The following C8G variants were observed in gnomAD, a reference collection of about 807,000 sequenced individuals.
The protein encoded by C8G is complement component C8 gamma chain.
A neutral mutation model predicts 29.1 loss-of-function variants in C8G; 38 were observed. The observed-to-expected ratio is 1.31, with a 90% confidence interval of 1.01 to 1.71. The LOEUF is 1.71. Among genes scored for constraint, C8G ranks in the 40% most tolerant of loss-of-function variants. The pLI is 0.00. For synonymous variants in C8G, 158 were observed against 113.2 expected (o/e 1.40, Z -2.51); for missense variants, 300 against 267.4 (o/e 1.12, Z -0.85).
chr9:136,945,626 G>T lies in C8G; in HGVS notation c.139-8G>T. ...GTGCCCTCGAGTTCTCCCATGGTCT[G>T]CCCCCAGTTTGCAGGGACCTGGCTC... On this transcript the variant is annotated splice_region_variant and splice_polypyrimidine_tract_variant and intron_variant, in intron 1 of 6. Coordinates refer to ENST00000371634, the MANE Select transcript of C8G (RefSeq NM_000606.3). 6.2e-7 allele frequency: 1 copy of T among 1,608,706 alleles called. No individual in the cohort carries two copies. The highest frequency in any genetic ancestry group is 1.3e-5 in the African/African-American group (1 of 75,000).
In C8G at chr9:136,945,926, C is replaced by A. The variant is rs149516883; in HGVS notation, c.276-3C>A. 5 of 1,559,782 alleles carry A rather than the reference C, an allele frequency of 3.2e-6. No homozygotes were observed. Among genetic ancestry groups the A allele is most frequent in the Middle Eastern group, 1.8e-4 (1 of 5,646 alleles). On this transcript the variant is annotated splice_polypyrimidine_tract_variant and splice_region_variant and intron_variant, in intron 2 of 6. Transcript: ENST00000371634. ...CTGTGGTGCCTCCTCCCCGCCCCCC[C>A]AGGGATGGGATCTGCTGGCAGGTGC...
Position 136,945,616 on chromosome 9 carries a change from C to T in C8G, c.139-18C>T, listed in dbSNP as rs201256379. 5.8e-4 allele frequency: 931 copies of T among 1,606,970 alleles called. 7 individuals are homozygous for T. The South Asian group carries it at 6.0e-3, about 10-fold the overall frequency. ...CCCTCCCACAGTGCCCTCGAGTTCT[C>T]CCATGGTCTGCCCCCAGTTTGCAGG... On this transcript the variant is annotated intron_variant, in intron 1 of 6. Coordinates refer to ENST00000371634, the MANE Select transcript of C8G (RefSeq NM_000606.3).
Position 136,946,207 on chromosome 9 carries a change from G to T in C8G, c.454+15G>T. 6.5e-7 allele frequency: 1 copy of T among 1,544,322 alleles called. No homozygotes were observed. Among genetic ancestry groups the T allele is most frequent in the South Asian group, 1.2e-5 (1 of 81,012 alleles). ...GAAGCTCTACGGTATGTGGGGGCCA[G>T]CCTCTGTGACCAGGCAGGCGCTCAA... On this transcript the variant is annotated intron_variant, in intron 4 of 6. Coordinates refer to ENST00000371634, the MANE Select transcript of C8G (RefSeq NM_000606.3).
chr9:136,945,491 A>G (rs1851003338), intron 1 of C8G, 33 bp downstream of exon 1: 1 of 1,547,512 alleles, frequency 6.5e-7, no homozygotes, highest in South Asian at 1.2e-5. Flanking sequence ...GGAGGCAGGT[A>G]GAAGTTGTGG....
At chr9:136,946,594 CA>C in intron 5 of C8G, 28 bp downstream of exon 5, 1 of 1,612,424 alleles carries the variant, frequency 6.2e-7, no homozygotes, top group Non-Finnish European at 8.5e-7. Flanking sequence ...GTCCCCAGCT[CA>C]GCCACCCCCA....
rs60286503 is a variant in C8G at position 136,945,331 on chromosome 9, CT to C, written c.12del (p.Thr6LeufsTer5). 3.2e-4 allele frequency: 508 copies of C among 1,609,884 alleles called. 3 individuals are homozygous for C. The East Asian group carries it at 0.011, about 34-fold the overall frequency. ...CCTGCTGCCGCCACCATGCTGCCCC[CT>C]GGGACTGCGACCCTCTTGACTCTGC... MLPPGTATLLTLLL... is the reference protein window; with the variant it reads MLPXGTATLLTLLL... On this transcript the variant is annotated frameshift_variant, in exon 1 of 7. Transcript: ENST00000371634. LOFTEE classifies it high-confidence loss of function.
chr9:136,946,973 CCT>C (rs1588468490), exon 7 of C8G: 4 of 690,132 alleles, frequency 5.8e-6, no homozygotes, highest in East Asian at 8.2e-5. Flanking sequence ...GTCTCAGACC[CCT>C]CTCTGACTCT....
At chr9:136,945,596 C>T (rs1244905012) in intron 1 of C8G, 38 bp from the exon 2 acceptor site, 12 of 1,597,882 alleles carry the variant, frequency 7.5e-6, no homozygotes, top group Non-Finnish European at 8.5e-6. Context: ...AGGGGCCCTC[C>T]CACAGTGCCC....
Position 136,945,658 on chromosome 9 carries a change from G to A in C8G, c.163G>A (p.Ala55Thr), listed in dbSNP as rs1328423212. The A allele has an allele frequency of 3.1e-6, 5 of 1,609,354 alleles. 1 individual carries two copies. In the South Asian group the frequency reaches 4.4e-5, roughly 14 times the overall value. ...GTTTGCAGGGACCTGGCTCCTTGTG[G>A]CTGTGGGCTCCGCTTGCCGTTTCCT... is the stretch of plus-strand genomic sequence containing the variant. ...QQFAGTWLLV[A>T]VGSACRFLQE... Residue 55 changes from alanine to threonine, a missense_variant, in exon 2 of 7, where the codon GCT becomes ACT. Transcript: ENST00000371634.
At chr9:136,945,820 C>T in intron 2 of C8G, 50 bp downstream of exon 2, 3 of 1,539,230 alleles carry the variant, frequency 1.9e-6, no homozygotes, top group Non-Finnish European at 2.6e-6. Flanking sequence ...CCTCTCAGCC[C>T]CCGGACTTCA....
rs978745286 is a variant in C8G at position 136,946,920 on chromosome 9, T to A, written c.*139T>A. Reference sequence around the variant, plus strand: ...CCAGGGCAGGGGATCTTCTGCCGGCTGCCCCAGAGGACAGTGGGTGGAGTG... The same window carrying A: ...CCAGGGCAGGGGATCTTCTGCCGGCAGCCCCAGAGGACAGTGGGTGGAGTG... On this transcript the variant is annotated 3_prime_UTR_variant, in exon 7 of 7. Transcript: ENST00000371634. 12 of 1,085,428 alleles carry A rather than the reference T, an allele frequency of 1.1e-5. No individual in the cohort carries two copies. Among genetic ancestry groups the A allele is most frequent in the Non-Finnish European group, 1.4e-5 (10 of 738,904 alleles). 67.2% of individuals were successfully genotyped at this position (1,085,428 alleles called of 1,614,324 possible).
At chr9:136,946,333 G>A in intron 4 of C8G, 132 bp from the exon 5 acceptor site, 3 of 1,393,302 alleles carry the variant, frequency 2.2e-6, no homozygotes, top group Non-Finnish European at 2.9e-6. Context: ...GGGGCCCAGG[G>A]AGTAGTGACA....
chr9:136,946,298 C>T (rs2131367990), intron 4 of C8G, 106 bp downstream of exon 4: 1 of 1,371,272 alleles, frequency 7.3e-7, no homozygotes, highest in Admixed American at 2.6e-5. Context: ...CTTCCTTTCT[C>T]CCATCCTGAT....
At position 136,946,455 on chromosome 9, in the gene C8G, T is replaced by TGCCCTGCA; in HGVS notation, c.455-5_457dup. The TGCCCTGCA allele has an allele frequency of 6.3e-7, 1 of 1,586,300 alleles. No individual in the cohort carries two copies. Among genetic ancestry groups the TGCCCTGCA allele is most frequent in the Non-Finnish European group, 8.6e-7 (1 of 1,165,336 alleles). ...GTGCCAGGACCCCAGGAACCCTGTC[T>TGCCCTGCA]GCCCTGCAGCCCGCTCGCTCCCTGT... On this transcript the variant is annotated splice_polypyrimidine_tract_variant and intron_variant, in intron 4 of 6. Transcript: ENST00000371634.
chr9:136,946,213 G>T, intron 4 of C8G, 21 bp downstream of exon 4: 1 of 1,535,802 alleles, frequency 6.5e-7, no homozygotes, highest in Non-Finnish European at 8.8e-7. Flanking sequence ...GCCAGCCTCT[G>T]TGACCAGGCA....
intron 1 of C8G, 44 bp downstream of exon 1, chr9:136,945,502 G>A (rs1851003854): frequency 6.5e-7 from 1 of 1,544,730 alleles, no homozygotes; most frequent in African/African-American, 1.4e-5. Context: ...GAAGTTGTGG[G>A]AGGGGTAGAG....
At position 136,946,904 on chromosome 9, in the gene C8G, G is replaced by T; in HGVS notation, c.*123G>T. 8.0e-7 allele frequency: 1 copy of T among 1,256,532 alleles called. No individual in the cohort carries two copies. Among genetic ancestry groups the T allele is most frequent in the Non-Finnish European group, 1.1e-6 (1 of 893,950 alleles). 77.8% of individuals were successfully genotyped at this position (1,256,532 alleles called of 1,614,324 possible). A position where few individuals can be genotyped will look rare whatever the true frequency, so the allele number is the denominator to read the frequency against. On this transcript the variant is annotated 3_prime_UTR_variant, in exon 7 of 7. Transcript: ENST00000371634. ...ATCAGGGCCCTGCCACCCAGGGCAG[G>T]GGATCTTCTGCCGGCTGCCCCAGAG...
Position 136,945,473 on chromosome 9 carries a change from G to T in C8G, c.138+15G>T, listed in dbSNP as rs1198402708. 2 of 1,561,816 alleles carry T rather than the reference G, an allele frequency of 1.3e-6. No individual in the cohort carries two copies. The highest frequency in any genetic ancestry group is 1.9e-5 in the Admixed American group (1 of 52,144). ...ATGCTCAGCAGGTAGAAGTTGGGGG[G>T]GGTAGAGGGAGGCAGGTAGAAGTTG... On this transcript the variant is annotated intron_variant, in intron 1 of 6. Coordinates refer to ENST00000371634, the MANE Select transcript of C8G (RefSeq NM_000606.3).
chr9:136,945,703 G>T lies in C8G; in HGVS notation c.208G>T (p.Ala70Ser), dbSNP rs767436950. The change falls in exon 2 of 7, where the codon GCC becomes TCC. Residue 70 changes from alanine to serine, a missense_variant. Coordinates refer to ENST00000371634, the MANE Select transcript of C8G (RefSeq NM_000606.3). ...TTTCCTGCAGGAGCAGGGCCACCGG[G>T]CCGAGGCCACCACACTGCATGTGGC... ...CRFLQEQGHR[A>S]EATTLHVAPQ... 6.3e-7 allele frequency: 1 copy of T among 1,593,538 alleles called. No homozygotes were observed. Among genetic ancestry groups the T allele is most frequent in the Admixed American group, 1.7e-5 (1 of 57,642 alleles).
Sources: gnomAD v4.1 joint callset for allele counts on GRCh38, gnomAD v4.1.1 for gene constraint, MANE v1.5 for transcripts, NCBI Gene and HGNC (gene_info 2026-07-23, HGNC 2026-07-21) for gene names.